The following SAFB variants were observed in gnomAD, a reference collection of about 807,000 sequenced individuals.
SAFB encodes scaffold attachment factor B1.
Under a neutral mutation model 101.6 loss-of-function variants are expected in SAFB, and 15 were observed. That is an observed-to-expected ratio of 0.15 (90% CI 0.10 to 0.23). The LOEUF is 0.23. Among genes scored for constraint, SAFB ranks in the 10% least tolerant of loss-of-function variants. The pLI is 1.00. For synonymous variants in SAFB, 449 were observed against 407.5 expected (o/e 1.10, Z -1.23); for missense variants, 930 against 1,104.1 (o/e 0.84, Z 2.23).
chr19:5,665,796 C>T (rs1011191987), intron 17 of SAFB: 1 of 152,168 alleles, frequency 6.6e-6, no homozygotes, highest in African/African-American at 2.4e-5. Flanking sequence ...ACTTATGGGC[C>T]TCATTGAACA....
chr19:5,639,100 G>A (rs1326442283), intron 2 of SAFB, among the ~76,000 whole-genome samples: 1 of 152,218 alleles, frequency 6.6e-6, no homozygotes, highest in Non-Finnish European at 1.5e-5. Flanking sequence ...ATCAGTGGAA[G>A]AGAATGGAAA....
chr19:5,660,826 T>C (rs1010169453), intron 14 of SAFB, among the ~76,000 whole-genome samples: 1 of 151,530 alleles, frequency 6.6e-6, no homozygotes, highest in Non-Finnish European at 1.5e-5. Context: ...CTAATGTCCT[T>C]ACACTTGGGG....
intron 15 of SAFB, among the ~76,000 whole-genome samples, chr19:5,663,299 C>T (rs966098171): frequency 3.3e-5 from 5 of 152,202 alleles, no homozygotes; most frequent in African/African-American, 9.7e-5. Flanking sequence ...CTACGCCCGG[C>T]AGTAAGATTA....
At chr19:5,644,799 A>G (rs1282777054) in intron 4 of SAFB, among the ~76,000 whole-genome samples, 4 of 152,210 alleles carry the variant, frequency 2.6e-5, no homozygotes, top group Non-Finnish European at 4.4e-5. Context: ...AATAAAAGCT[A>G]TTCTTCCCCT....
At chr19:5,655,023 C>G (rs2054024740) in intron 13 of SAFB, among the ~76,000 whole-genome samples, 3 of 152,262 alleles carry the variant, frequency 2.0e-5, no homozygotes, top group South Asian at 4.1e-4. Flanking sequence ...CCCTGTCTAC[C>G]CTGAAAGTGT....
Position 5,667,156 on chromosome 19 carries a change from TC to T in SAFB, c.2451del (p.Arg818GlyfsTer26). On this transcript the variant is annotated frameshift_variant, in exon 18 of 21. Transcript: ENST00000588852. LOFTEE classifies it high-confidence loss of function. The surrounding 1 kb of genome is among the most constrained non-coding windows in gnomAD (Gnocchi z 4.0). ...RMSEGRGLPP[P>X]PRGRRDWGDH... The stretch of plus-strand genomic sequence containing the variant: ...TGAGCGAGGGCCGGGGGCTGCCTCC[TC>T]CCCCCAGGTTTGTGTCCCACACCCG... The T allele has an allele frequency of 4.5e-6, 7 of 1,561,280 alleles. No individual in the cohort carries two copies. The highest frequency in any genetic ancestry group is 6.1e-6 in the Non-Finnish European group (7 of 1,143,276).
At chr19:5,623,982 C>CA (rs1158796669) in intron 1 of SAFB, 1 of 152,354 alleles carries the variant, frequency 6.6e-6, no homozygotes, top group Non-Finnish European at 1.5e-5. Context: ...TGCCGGTACT[C>CA]GCTCGGTGAA....
intron 2 of SAFB, among the ~76,000 whole-genome samples, chr19:5,641,271 A>G (rs1204657798): frequency 2.6e-5 from 4 of 152,202 alleles, no homozygotes; most frequent in Non-Finnish European, 5.9e-5. Context: ...ATTTGCAACA[A>G]ATAATTTTTC....
chr19:5,667,321 C>A lies in SAFB; in HGVS notation c.2454-26C>A. The A allele has an allele frequency of 6.9e-7, 1 of 1,454,786 alleles. No homozygotes were observed. Among genetic ancestry groups the A allele is most frequent in the Non-Finnish European group, 9.1e-7 (1 of 1,094,236 alleles). 90.1% of individuals were successfully genotyped at this position (1,454,786 alleles called of 1,614,324 possible). On this transcript the variant is annotated intron_variant, in intron 18 of 20. Transcript: ENST00000588852. This position sits in a 1 kb window ranked among gnomAD's most constrained non-coding sequence, Gnocchi z 4.0. ...ACAAGAGCCAGAGATGGGGGCAATCCAAATCAGAGATGTCTCTCTTTCAAG... is the reference window on the plus strand; with the variant it reads ...ACAAGAGCCAGAGATGGGGGCAATCAAAATCAGAGATGTCTCTCTTTCAAG...
chr19:5,650,483 C>T (rs1239684353), intron 8 of SAFB, among the ~76,000 whole-genome samples: 1 of 152,168 alleles, frequency 6.6e-6, no homozygotes, highest in African/African-American at 2.4e-5. Context: ...GCGATCTCAG[C>T]TCACTGCAAC....
intron 13 of SAFB, among the ~76,000 whole-genome samples, chr19:5,656,856 T>C (rs2054074466): frequency 6.6e-6 from 1 of 152,066 alleles, no homozygotes; most frequent in Admixed American, 6.6e-5. Context: ...CTGCAAGCTC[T>C]GCCTCCCGGG....
rs760463324 is a variant in SAFB at position 5,667,938 on chromosome 19, AC to A, written c.2624+54del. 2 of 1,528,772 alleles carry A rather than the reference AC, an allele frequency of 1.3e-6. No homozygotes were observed. Among genetic ancestry groups the A allele is most frequent in the South Asian group, 2.5e-5 (2 of 80,240 alleles). 94.7% of individuals were successfully genotyped at this position (1,528,772 alleles called of 1,614,324 possible). ...TTCCCCCTGCTTTGCATATTGGCCT[AC>A]CTTGCTGGAGGCTTAACAACCAAGT... On this transcript the variant is annotated intron_variant, in intron 20 of 20. Transcript: ENST00000588852. This position sits in a 1 kb window ranked among gnomAD's most constrained non-coding sequence, Gnocchi z 4.0.
rs1296858577 is a variant in SAFB, at chr19:5,661,630, CTGGAGCGGGAGCGCA to C, written c.1986_2000del (p.Met664_Arg668del). 3.7e-6 allele frequency: 6 copies of C among 1,612,578 alleles called. No individual in the cohort carries two copies. The highest frequency in any genetic ancestry group is 3.4e-6 in the Non-Finnish European group (4 of 1,179,776). On this transcript the variant is annotated inframe_deletion, in exon 15 of 21. Transcript: ENST00000588852. ...GAGGCTGGCCTTCCAGCGCCAGCGG[CTGGAGCGGGAGCGCA>C]TGGAGCGGGAACGGCTGGAGCGCGA...
chr19:5,657,206 C>T, intron 13 of SAFB, 35 bp from the exon 14 acceptor site: 2 of 1,550,886 alleles, frequency 1.3e-6, no homozygotes, highest in Non-Finnish European at 1.8e-6. Context: ...TGCCTGGCCT[C>T]TGCTTTAACT....
intron 14 of SAFB, among the ~76,000 whole-genome samples, chr19:5,658,760 G>A (rs541545924): frequency 1.6e-4 from 24 of 150,528 alleles, no homozygotes; most frequent in South Asian, 4.2e-4. Context: ...GGAGAATGGC[G>A]TGAACCCGGG....
intron 4 of SAFB, among the ~76,000 whole-genome samples, chr19:5,642,659 T>TC (rs1416951339): frequency 4.4e-4 from 59 of 133,074 alleles, no homozygotes; most frequent in Non-Finnish European, 9.6e-5. Flanking sequence ...TTCTTTTTTT[T>TC]TTTTTTTTTT....
intron 7 of SAFB, 85 bp from the exon 8 acceptor site, chr19:5,649,840 AT>A: frequency 8.1e-7 from 1 of 1,232,672 alleles, no homozygotes; most frequent in Non-Finnish European, 1.2e-6. Flanking sequence ...TCGGGTAGGT[AT>A]GCAACCTCAG....
chr19:5,661,480 G>C (rs752027537), intron 14 of SAFB, 38 bp from the exon 15 acceptor site: 12 of 1,605,268 alleles, frequency 7.5e-6, no homozygotes, highest in Non-Finnish European at 1.0e-5. Flanking sequence ...CTGGCTGGGG[G>C]TGTCTAGGTC....
At chr19:5,663,474 G>C (rs982280067) in intron 15 of SAFB, among the ~76,000 whole-genome samples, 3 of 152,286 alleles carry the variant, frequency 2.0e-5, no homozygotes, top group East Asian at 3.9e-4. Context: ...CTATTGCATG[G>C]GTTGAAGAGG....
Sources: allele counts gnomAD v4.1 joint callset (sites outside exome capture counted in the v4.1 genomes callset), GRCh38; gene constraint gnomAD v4.1.1; non-coding constraint Gnocchi (gnomAD v3.1); transcripts MANE v1.5; gene names NCBI Gene and HGNC (gene_info 2026-07-23, HGNC 2026-07-21).